The following CPA3 variants were observed in gnomAD, a reference collection of about 807,000 sequenced individuals.
CPA3 encodes mast cell carboxypeptidase A.
Under a neutral mutation model 55.8 loss-of-function variants are expected in CPA3, and 52 were observed. The ratio of observed to expected loss-of-function variants is 0.93; its 90% CI spans 0.75 to 1.17. CPA3 has a LOEUF of 1.17. Ranked by LOEUF, CPA3 falls within the 50% of genes most tolerant of loss-of-function variation. The pLI is 0.00. For synonymous variants in CPA3, 179 were observed against 171.2 expected (o/e 1.05, Z -0.36); for missense variants, 547 against 509.1 (o/e 1.07, Z -0.72).
chr3:148,896,426 T>G, intron 10 of CPA3, 94 bp from the exon 11 acceptor site: 1 of 1,064,584 alleles, frequency 9.4e-7, no homozygotes, highest in Non-Finnish European at 1.3e-6. Flanking sequence ...CACACATAAC[T>G]ATTTTTTATT....
rs777382950 is a variant in CPA3, at chr3:148,865,322, G to A, written c.15G>A (p.Leu5=). Residue 5 remains leucine, a synonymous_variant, in exon 1 of 11, where the codon CTG becomes CTA. Transcript: ENST00000296046. MRLI[L]PVGLIATTLA... ...AAAGAAGAACCATGAGGCTCATCCTGCCTGTGGGTTTGATTGCTACCACTC... is the reference window on the plus strand; with the variant it reads ...AAAGAAGAACCATGAGGCTCATCCTACCTGTGGGTTTGATTGCTACCACTC... 6.2e-7 allele frequency: 1 copy of A among 1,614,152 alleles called. No individual in the cohort carries two copies. Among genetic ancestry groups the A allele is most frequent in the East Asian group, 2.2e-5 (1 of 44,876 alleles).
At chr3:148,892,516 G>A (rs1196653969) in intron 10 of CPA3, among the ~76,000 whole-genome samples, 1 of 151,944 alleles carries the variant, frequency 6.6e-6, no homozygotes, top group Non-Finnish European at 1.5e-5. Flanking sequence ...AGCTAGGTGT[G>A]GTGGTACGCA....
rs116686228 is a variant in CPA3 at position 148,882,511 on chromosome 3, A to T, written c.694A>T (p.Met232Leu). The T allele has an allele frequency of 8.8e-4, 1,425 of 1,613,536 alleles. 13 individuals are homozygous for T. The African/African-American group carries it at 0.016, about 19-fold the overall frequency. The change falls in exon 8 of 11, where the codon ATG (methionine) becomes TTG (leucine). Residue 232 changes from methionine to leucine, a missense_variant. Coordinates refer to ENST00000296046, the MANE Select transcript of CPA3 (RefSeq NM_001870.4). The part of the protein sequence containing the change: ...GYIWSWTKNR[M>L]WRKNRSKNQN... ...ACGTCATTCAATCTGGCAGAACCGC[A>T]TGTGGAGAAAAAATCGTTCCAAGAA...
At position 148,874,628 on chromosome 3, in the gene CPA3, C is replaced by T. The variant is rs74371725; in HGVS notation, c.270-3813C>T. The stretch of plus-strand genomic sequence containing the variant: ...GTACATAATGATGTGCTTGTCAGTG[C>T]TGCTAATAGGAATCAATATTCATGA... On this transcript the variant is annotated intron_variant, in intron 3 of 10. Coordinates refer to ENST00000296046, the MANE Select transcript of CPA3 (RefSeq NM_001870.4). 3.8e-3 allele frequency among the ~76,000 whole-genome samples: 575 copies of T among 152,238 alleles called. 2 individuals are homozygous for T. The highest frequency in any genetic ancestry group is 0.013 in the African/African-American group (555 of 41,564).
intron 10 of CPA3, among the ~76,000 whole-genome samples, chr3:148,887,630 T>G (rs543456555): frequency 2.4e-4 from 36 of 152,328 alleles, no homozygotes; most frequent in African/African-American, 8.4e-4. Context: ...TCCTGGGAAG[T>G]GAGACCACTT....
chr3:148,874,303 T>A (rs929179415), intron 3 of CPA3, among the ~76,000 whole-genome samples: 1 of 152,204 alleles, frequency 6.6e-6, no homozygotes, highest in Admixed American at 6.5e-5. Context: ...CTGTGACTAA[T>A]TAATACTGCC....
chr3:148,869,065 T>G (rs1340074893), intron 3 of CPA3, 26 bp downstream of exon 3: 3 of 1,605,210 alleles, frequency 1.9e-6, no homozygotes, highest in Non-Finnish European at 2.6e-6. Flanking sequence ...ATATTGAAAT[T>G]TGTTGGATAT....
At chr3:148,875,378 AT>A (rs886709211) in intron 3 of CPA3, among the ~76,000 whole-genome samples, 4 of 152,176 alleles carry the variant, frequency 2.6e-5, no homozygotes, top group Admixed American at 6.5e-5. Flanking sequence ...TCTTTTTAAT[AT>A]TTTTATTGAA....
At chr3:148,867,825 G>C (rs1713945767) in intron 2 of CPA3, among the ~76,000 whole-genome samples, 1 of 152,134 alleles carries the variant, frequency 6.6e-6, no homozygotes, top group Non-Finnish European at 1.5e-5. Flanking sequence ...ACTTCATTTA[G>C]TTTCACAATT....
intron 10 of CPA3, among the ~76,000 whole-genome samples, chr3:148,891,521 C>T (rs1015338270): frequency 3.3e-5 from 5 of 151,714 alleles, no homozygotes; most frequent in Non-Finnish European, 7.4e-5. Context: ...CATACACACA[C>T]ACACACACAC....
chr3:148,875,199 A>C (rs1714173536), intron 3 of CPA3, among the ~76,000 whole-genome samples: 2 of 152,332 alleles, frequency 1.3e-5, no homozygotes, highest in East Asian at 3.9e-4. Flanking sequence ...AATGTTAAAA[A>C]ATAGACTTCT....
chr3:148,866,860 G>A (rs1229871482), intron 2 of CPA3, among the ~76,000 whole-genome samples: 1 of 152,072 alleles, frequency 6.6e-6, no homozygotes, highest in Non-Finnish European at 1.5e-5. Flanking sequence ...AGGTTCAAGC[G>A]ATTCACCTGC....
intron 9 of CPA3, among the ~76,000 whole-genome samples, chr3:148,885,406 C>A (rs1417558355): frequency 1.1e-5 from 1 of 88,340 alleles, no homozygotes; most frequent in African/African-American, 4.4e-5. Context: ...ATATTTAAGT[C>A]TTTTTTTTTT....
chr3:148,889,849 G>A (rs900090245), intron 10 of CPA3, among the ~76,000 whole-genome samples: 1 of 92,464 alleles, frequency 1.1e-5, no homozygotes, highest in East Asian at 3.2e-4. Flanking sequence ...CAGCCTGGGT[G>A]AAAGAGCAAA....
chr3:148,877,424 G>T (rs550406228), intron 3 of CPA3, among the ~76,000 whole-genome samples: 5 of 151,408 alleles, frequency 3.3e-5, no homozygotes, highest in South Asian at 2.1e-4. Flanking sequence ...AACCCGGGAG[G>T]TGGAGGTTGT....
chr3:148,868,307 T>C (rs1194521680), intron 2 of CPA3, among the ~76,000 whole-genome samples: 1 of 152,170 alleles, frequency 6.6e-6, no homozygotes, highest in African/African-American at 2.4e-5. Flanking sequence ...ACTGTCTTCA[T>C]GCCCCAGACC....
chr3:148,869,006 A>C lies in CPA3; in HGVS notation c.236A>C (p.Gln79Pro), dbSNP rs1183171999. 1 of 1,614,128 alleles carries C rather than the reference A, an allele frequency of 6.2e-7. No homozygotes were observed. Among genetic ancestry groups the C allele is most frequent in the South Asian group, 1.1e-5 (1 of 91,074 alleles). ...AGTGAGAAGGAATCCCAAGCCATCC[A>C]GTCTGCCTTGGATCAAAATAAAATG... ...RVSEKESQAIQSALDQNKMHY... is the reference protein window; with the variant it reads ...RVSEKESQAIPSALDQNKMHY... The change falls in exon 3 of 11, where the codon CAG (glutamine) becomes CCG (proline). Residue 79 changes from glutamine to proline, a missense_variant. Physicochemically the swap from Gln to Pro is moderately conservative, Grantham distance 76. Transcript: ENST00000296046.
chr3:148,865,884 G>C (rs933010604), intron 2 of CPA3, among the ~76,000 whole-genome samples: 1 of 152,044 alleles, frequency 6.6e-6, no homozygotes, highest in Non-Finnish European at 1.5e-5. Context: ...TCCCCACTCC[G>C]ACCCTCATCT....
intron 10 of CPA3, among the ~76,000 whole-genome samples, chr3:148,891,985 A>G (rs1343733773): frequency 6.6e-6 from 1 of 152,234 alleles, no homozygotes; most frequent in Non-Finnish European, 1.5e-5. Context: ...CACTGAAGCC[A>G]GTCTCTATAT....
Sources: allele counts gnomAD v4.1 joint callset (sites outside exome capture counted in the v4.1 genomes callset), GRCh38; gene constraint gnomAD v4.1.1; transcripts MANE v1.5; gene names NCBI Gene and HGNC (gene_info 2026-07-23, HGNC 2026-07-21).